The following CFAP299 variants were observed in gnomAD, a reference collection of about 807,000 sequenced individuals.
CFAP299 encodes the protein cilia and flagella associated protein 299, also known as cilia- and flagella-associated protein 299.
A neutral mutation model predicts 27.0 loss-of-function variants in CFAP299; 21 were observed. That is an observed-to-expected ratio of 0.78 (90% CI 0.55 to 1.12). The LOEUF (loss-of-function observed/expected upper bound fraction) is 1.12. Ranked by LOEUF, CFAP299 falls within the 50% of genes most tolerant of loss-of-function variation. The pLI is 0.00. For missense variants in CFAP299, 310 were observed against 276.6 expected (o/e 1.12, Z -0.86); for synonymous variants, 104 against 98.1 (o/e 1.06, Z -0.36).
intron 3 of CFAP299, among the ~76,000 whole-genome samples, chr4:80,825,112 T>C (rs1440782734): frequency 6.6e-6 from 1 of 151,340 alleles, no homozygotes; most frequent in Non-Finnish European, 1.5e-5. Context: ...AGCTAAAAAA[T>C]ACAATAACTG....
intron 4 of CFAP299, among the ~76,000 whole-genome samples, chr4:80,893,810 G>A (rs567467862): frequency 6.6e-6 from 1 of 151,858 alleles, no homozygotes; most frequent in South Asian, 2.1e-4. Flanking sequence ...TCTGGGCAAC[G>A]ATTTTTTAGA....
At position 80,360,896 on chromosome 4, in the gene CFAP299, A is replaced by G. The variant is rs564119441; in HGVS notation, c.112-1858A>G. Among the ~76,000 whole-genome samples, 20 of 152,244 alleles carry G rather than the reference A, an allele frequency of 1.3e-4. No individual in the cohort carries two copies. In the East Asian group the frequency reaches 2.7e-3, roughly 21 times the overall value. On this transcript the variant is annotated intron_variant, in intron 1 of 5. Transcript: ENST00000358105. ...GTCTTTCTTTGTGGCCCTTACATAC[A>G]TTATTTTGGGGGTTGGGAAAAAGTT...
At chr4:80,638,652 G>A (rs1203532167) in intron 3 of CFAP299, among the ~76,000 whole-genome samples, 1 of 152,032 alleles carries the variant, frequency 6.6e-6, no homozygotes, top group Non-Finnish European at 1.5e-5. Context: ...TAGAGTTTCT[G>A]GATTATCACA....
chr4:80,595,576 C>T (rs537441749), intron 3 of CFAP299, among the ~76,000 whole-genome samples: 7 of 152,256 alleles, frequency 4.6e-5, no homozygotes, highest in Non-Finnish European at 8.8e-5. Flanking sequence ...TATAAATGCT[C>T]TGCATCTTAT....
intron 4 of CFAP299, among the ~76,000 whole-genome samples, chr4:80,916,111 A>C (rs1444318419): frequency 6.6e-6 from 1 of 151,084 alleles, no homozygotes; most frequent in Admixed American, 6.6e-5. Flanking sequence ...AAAATACAAA[A>C]ATTAGCTGGG....
At chr4:80,669,574 CTT>C (rs77565445) in intron 3 of CFAP299, among the ~76,000 whole-genome samples, 8 of 133,494 alleles carry the variant, frequency 6.0e-5, no homozygotes, top group African/African-American at 5.4e-5. Context: ...AACAGTTTTT[CTT>C]TTTTTTTTTT....
intron 2 of CFAP299, among the ~76,000 whole-genome samples, chr4:80,384,226 A>G (rs1724854867): frequency 6.6e-6 from 1 of 152,286 alleles, no homozygotes; most frequent in Non-Finnish European, 1.5e-5. Flanking sequence ...CATATTTTCT[A>G]CTAACCAGAG....
chr4:80,799,822 A>ATAATATAATATATAT (rs1728251339), intron 3 of CFAP299, among the ~76,000 whole-genome samples: 1 of 24,410 alleles, frequency 4.1e-5, no homozygotes, highest in African/African-American at 4.8e-4. Context: ...TATATATATT[A>ATAATATAATATATAT]TATATATTTA....
At position 80,782,672 on chromosome 4, in the gene CFAP299, A is replaced by C. The variant is rs555787260; in HGVS notation, c.334-87321A>C. 3.3e-5 allele frequency among the ~76,000 whole-genome samples: 4 copies of C among 121,968 alleles called. No individual in the cohort carries two copies. In the South Asian group the frequency reaches 8.7e-4, roughly 27 times the overall value. 80.0% of individuals were successfully genotyped at this position (121,968 alleles called of 152,430 possible). A position where few individuals can be genotyped will look rare whatever the true frequency, so the allele number is the denominator to read the frequency against. ...TGAATATATAATATATTCATATATA[A>C]TATACATATATGAATATATAATATA... On this transcript the variant is annotated intron_variant, in intron 3 of 5. Coordinates refer to ENST00000358105, the MANE Select transcript of CFAP299 (RefSeq NM_152770.3).
At chr4:80,409,941 G>T (rs1452866489) in intron 2 of CFAP299, among the ~76,000 whole-genome samples, 3 of 152,208 alleles carry the variant, frequency 2.0e-5, no homozygotes, top group Non-Finnish European at 4.4e-5. Context: ...TTTGGTGTTT[G>T]AGTTTGGCAA....
At chr4:80,674,297 A>G (rs1560691362) in intron 3 of CFAP299, among the ~76,000 whole-genome samples, 2 of 152,152 alleles carry the variant, frequency 1.3e-5, no homozygotes, top group African/African-American at 2.4e-5. Flanking sequence ...GTTTGGCTGG[A>G]TATGAAATTC....
chr4:80,846,212 T>C (rs528393921), intron 3 of CFAP299, among the ~76,000 whole-genome samples: 68 of 152,222 alleles, frequency 4.5e-4, no homozygotes, highest in African/African-American at 1.6e-3. Context: ...GGACACTGTA[T>C]AGGGATGGAG....
chr4:80,669,154 T>A (rs1741322052), intron 3 of CFAP299, among the ~76,000 whole-genome samples: 2 of 88,476 alleles, frequency 2.3e-5, no homozygotes, highest in African/African-American at 6.1e-5. Flanking sequence ...TCTTTCTTTT[T>A]TTTTTTTTTT....
intron 3 of CFAP299, among the ~76,000 whole-genome samples, chr4:80,774,337 T>A (rs143892457): frequency 1.9e-4 from 29 of 152,004 alleles, no homozygotes; most frequent in African/African-American, 6.5e-4. Flanking sequence ...TTTTAAAAAA[T>A]AATAATAATA....
intron 4 of CFAP299, among the ~76,000 whole-genome samples, chr4:80,877,638 T>C (rs113376942): frequency 2.7e-5 from 4 of 150,488 alleles, no homozygotes; most frequent in Non-Finnish European, 5.9e-5. Context: ...TTACTCTACA[T>C]AAGATTTTTT....
intron 5 of CFAP299, among the ~76,000 whole-genome samples, chr4:80,954,829 C>G (rs558043513): frequency 1.3e-5 from 2 of 151,606 alleles, no homozygotes; most frequent in African/African-American, 4.8e-5. Flanking sequence ...GAAACGCTGT[C>G]TCTACTAAAA....
chr4:80,387,711 G>A, intron 2 of CFAP299: 5 of 1,581,206 alleles, frequency 3.2e-6, no homozygotes, highest in Non-Finnish European at 3.5e-6. Flanking sequence ...CAATGCATTG[G>A]AAGGGCTTCT....
At chr4:80,469,769 A>G (rs1729890481) in intron 2 of CFAP299, among the ~76,000 whole-genome samples, 1 of 152,036 alleles carries the variant, frequency 6.6e-6, no homozygotes, top group African/African-American at 2.4e-5. Flanking sequence ...GGCTGCTAAG[A>G]TTCTCGGGGC....
chr4:80,867,211 G>A (rs1319942044), intron 3 of CFAP299, among the ~76,000 whole-genome samples: 1 of 152,046 alleles, frequency 6.6e-6, no homozygotes, highest in African/African-American at 2.4e-5. Context: ...TCATTATGTA[G>A]TGAAGCTCCA....
Sources: allele counts gnomAD v4.1 joint callset (sites outside exome capture counted in the v4.1 genomes callset), GRCh38; gene constraint gnomAD v4.1.1; transcripts MANE v1.5; gene names NCBI Gene and HGNC (gene_info 2026-07-23, HGNC 2026-07-21).